NPIPB11: variants seen among roughly 807,000 people sequenced by gnomAD.
NPIPB11 encodes the protein nuclear pore complex-interacting protein family member B11.
A neutral mutation model predicts 32.8 loss-of-function variants in NPIPB11; 17 were observed. The ratio of observed to expected loss-of-function variants is 0.52; its 90% CI spans 0.35 to 0.78. NPIPB11 has a LOEUF of 0.78. NPIPB11 is among the 30% of genes least tolerant of loss of function. The probability of loss-of-function intolerance (pLI) is 0.01; values close to 1 mark genes in which losing one functional copy is unlikely to be tolerated. For missense variants in NPIPB11, 537 were observed against 1,000.4 expected (o/e 0.54, Z 6.25); for synonymous variants, 209 against 398.4 (o/e 0.52, Z 5.66).
chr16:29,397,381 T>C (rs1254532293), intron 2 of NPIPB11, among the ~76,000 whole-genome samples: 2 of 151,282 alleles, frequency 1.3e-5, no homozygotes, highest in African/African-American at 2.4e-5. Context: ...TAATCTTTTT[T>C]GGAATTTTTT....
At chr16:29,396,918 G>A (rs1331287142) in intron 2 of NPIPB11, among the ~76,000 whole-genome samples, 2 of 151,892 alleles carry the variant, frequency 1.3e-5, no homozygotes, top group Non-Finnish European at 2.9e-5. Context: ...GGGAGGCTGA[G>A]GCAGGCGGAT....
chr16:29,402,033 C>T (rs1964004146), intron 2 of NPIPB11, among the ~76,000 whole-genome samples: 2 of 151,722 alleles, frequency 1.3e-5, no homozygotes, highest in Non-Finnish European at 2.9e-5. Flanking sequence ...TGGTCAGACA[C>T]ACGTAGGTTT....
chr16:29,403,079 ATTTTTT>A (rs552934163), intron 2 of NPIPB11, among the ~76,000 whole-genome samples: 1 of 134,240 alleles, frequency 7.4e-6, no homozygotes, highest in Non-Finnish European at 1.6e-5. Context: ...TTGCAGGATA[ATTTTTT>A]TTTTTTTTTT....
intron 2 of NPIPB11, among the ~76,000 whole-genome samples, chr16:29,402,571 G>A (rs1354949328): frequency 1.5e-4 from 6 of 39,672 alleles, no homozygotes; most frequent in African/African-American, 3.4e-4. Context: ...GCATGATGGT[G>A]CACACACCTG....
Position 29,393,789 on chromosome 16 carries a change from G to A in NPIPB11, c.249+159C>T, listed in dbSNP as rs1270218548. ...CCTATTTAATTTTCATAACGCAAAT[G>A]GCAGATATTTTCATAATTCTTATGC... On this transcript the variant is annotated intron_variant, in intron 3 of 7. Transcript: ENST00000524087. 1.5e-4 allele frequency among the ~76,000 whole-genome samples: 23 copies of A among 152,250 alleles called. No individual in the cohort carries two copies. In the South Asian group the frequency reaches 3.7e-3, roughly 25 times the overall value.
Position 29,390,152 on chromosome 16 carries a change from G to A in NPIPB11, c.350-16C>T. 1 of 902,730 alleles carries A rather than the reference G, an allele frequency of 1.1e-6. No homozygotes were observed. The highest frequency in any genetic ancestry group is 1.8e-6 in the Non-Finnish European group (1 of 567,430). 55.9% of individuals were successfully genotyped at this position (902,730 alleles called of 1,614,324 possible). On this transcript the variant is annotated splice_polypyrimidine_tract_variant and intron_variant, in intron 4 of 7. Coordinates refer to ENST00000524087, the Ensembl canonical transcript of NPIPB11. ...GACCTCAGCCCTTGGTGAGAGTGAG[G>A]AGAGGAGAAGGTGAGAAACCTGAGG... is the stretch of plus-strand genomic sequence containing the variant.
At chr16:29,389,578 G>A (rs1272795414) in intron 5 of NPIPB11, among the ~76,000 whole-genome samples, 3 of 145,756 alleles carry the variant, frequency 2.1e-5, no homozygotes, top group East Asian at 4.3e-4. Flanking sequence ...GGAGGCTGAG[G>A]CAGGAGAATT....
At chr16:29,399,212 G>C (rs1448680525) in intron 2 of NPIPB11, among the ~76,000 whole-genome samples, 19 of 152,208 alleles carry the variant, frequency 1.2e-4, no homozygotes, top group Admixed American at 2.6e-4. Flanking sequence ...TTCCCACAGG[G>C]CTTCTGCCCG....
chr16:29,405,357 G>A (rs1178296569), upstream of NPIPB11, among the ~76,000 whole-genome samples: 3 of 151,984 alleles, frequency 2.0e-5, no homozygotes, highest in Non-Finnish European at 4.4e-5. Context: ...CCTACTACGT[G>A]CCAGCCATGA....
At chr16:29,394,425 A>G (rs866309689) in intron 2 of NPIPB11, among the ~76,000 whole-genome samples, 1 of 114,830 alleles carries the variant, frequency 8.7e-6, no homozygotes, top group Non-Finnish European at 1.8e-5. Flanking sequence ...CTAAAAAAAA[A>G]CCTCTTTTTT....
rs1237261529 is a variant in NPIPB11 at position 29,394,066 on chromosome 16, G to C, written c.131C>G (p.Thr44Ser). 3.5e-5 allele frequency: 56 copies of C among 1,598,110 alleles called. 1 individual carries two copies. Among genetic ancestry groups the C allele is most frequent in the Non-Finnish European group, 4.7e-5 (55 of 1,179,394 alleles). The change falls in exon 3 of 8, where the codon ACT (threonine) becomes AGT (serine). Residue 44 changes from threonine to serine, a missense_variant. Physicochemically the swap from Thr to Ser is moderately conservative, Grantham distance 58. Transcript: ENST00000524087. The stretch of plus-strand genomic sequence containing the variant: ...CCCACGATGATGATGGTCAGCCAGA[G>C]TATTGATAACCTGGAATAATAATAG...
At chr16:29,394,187 C>T (rs1193962735) in intron 2 of NPIPB11, 111 bp from the exon 3 acceptor site, 6 of 1,161,122 alleles carry the variant, frequency 5.2e-6, no homozygotes, top group Admixed American at 2.3e-5. Context: ...TAACCACATC[C>T]CTCAGATATC....
exon 8 of NPIPB11, chr16:29,382,929 G>C (rs1192853697): frequency 2.0e-5 from 12 of 587,752 alleles, no homozygotes; most frequent in East Asian, 1.4e-4. Context: ...GCAGACGCTC[G>C]GCAGGTGTCT....
intron 5 of NPIPB11, 144 bp downstream of exon 5, chr16:29,389,797 A>G (rs1476021104): frequency 9.6e-6 from 12 of 1,247,758 alleles, no homozygotes; most frequent in African/African-American, 1.5e-5. Flanking sequence ...AGCTTAAACT[A>G]ATGAAGCAGA....
At chr16:29,405,467 A>G (rs1056829179), upstream of NPIPB11, among the ~76,000 whole-genome samples, 1 of 152,170 alleles carries the variant, frequency 6.6e-6, no homozygotes, top group Non-Finnish European at 1.5e-5. Flanking sequence ...ACATTAATTA[A>G]GCCGTCACCA....
chr16:29,393,376 C>T (rs1425860560), intron 3 of NPIPB11, among the ~76,000 whole-genome samples: 1 of 151,372 alleles, frequency 6.6e-6, no homozygotes, highest in Non-Finnish European at 1.5e-5. Flanking sequence ...CTTTCATTTC[C>T]CCTAAAAATC....
chr16:29,394,784 C>T (rs1963812747), intron 2 of NPIPB11, among the ~76,000 whole-genome samples: 1 of 151,492 alleles, frequency 6.6e-6, no homozygotes, highest in African/African-American at 2.4e-5. Context: ...CTCACTCTGT[C>T]ACCCAGGCTG....
At chr16:29,406,643 G>T (rs1327472157), upstream of NPIPB11, among the ~76,000 whole-genome samples, 6 of 152,174 alleles carry the variant, frequency 3.9e-5, no homozygotes, top group Non-Finnish European at 8.8e-5. Context: ...GAACCCAGGA[G>T]GCGGAGGTTG....
At chr16:29,399,818 C>G (rs1466260772) in intron 2 of NPIPB11, among the ~76,000 whole-genome samples, 3 of 151,944 alleles carry the variant, frequency 2.0e-5, no homozygotes, top group Non-Finnish European at 1.5e-5. Flanking sequence ...GTGGCTCACG[C>G]CTGTAATCCC....
Sources: gnomAD v4.1 joint callset for allele counts (sites outside exome capture counted in the v4.1 genomes callset) on GRCh38, gnomAD v4.1.1 for gene constraint, MANE v1.5 for transcripts, NCBI Gene and HGNC (gene_info 2026-07-23, HGNC 2026-07-21) for gene names.